The following MAML2 variants were observed in gnomAD, a reference collection of about 807,000 sequenced individuals.
MAML2 encodes the protein mastermind-like protein 2.
Under a neutral mutation model 96.1 loss-of-function variants are expected in MAML2, and 22 were observed. The observed-to-expected ratio is 0.23, with a 90% CI of 0.16 to 0.33. The LOEUF is 0.33. Among genes scored for constraint, MAML2 ranks in the 10% least tolerant of loss-of-function variants. The probability of loss-of-function intolerance (pLI) is 1.00; values close to 1 mark genes in which losing one functional copy is unlikely to be tolerated. For synonymous variants in MAML2, 561 were observed against 521.3 expected, an observed-to-expected ratio of 1.08 and a Z score of -1.04; for missense variants, 1,367 against 1,392.4, an observed-to-expected ratio of 0.98 and a Z score of 0.29.
At chr11:96,337,348 C>T (rs1863934039) in intron 1 of MAML2, among the ~76,000 whole-genome samples, 1 of 152,180 alleles carries the variant, frequency 6.6e-6, no homozygotes, top group Non-Finnish European at 1.5e-5. Context: ...TGATTATTAT[C>T]AGTTAAAAAT....
At chr11:96,202,283 G>A (rs1393695825) in intron 1 of MAML2, among the ~76,000 whole-genome samples, 8 of 148,246 alleles carry the variant, frequency 5.4e-5, no homozygotes, top group Admixed American at 5.4e-4. Flanking sequence ...CCCGGGAGGT[G>A]GAGATTGCAG....
chr11:96,255,064 C>A (rs1049012890), intron 1 of MAML2, among the ~76,000 whole-genome samples: 11 of 152,160 alleles, frequency 7.2e-5, no homozygotes, highest in African/African-American at 2.6e-4. Flanking sequence ...CTCAAGCGAT[C>A]CGCCCACCGC....
chr11:96,268,280 GC>G (rs367981172), intron 1 of MAML2, among the ~76,000 whole-genome samples: 1 of 152,232 alleles, frequency 6.6e-6, no homozygotes, highest in Non-Finnish European at 1.5e-5. Flanking sequence ...TTCGAGAGCA[GC>G]CTGGGCAACA....
intron 2 of MAML2, among the ~76,000 whole-genome samples, chr11:96,038,503 G>A (rs974355486): frequency 5.3e-5 from 8 of 152,186 alleles, no homozygotes; most frequent in African/African-American, 1.7e-4. Context: ...CTATTCAATC[G>A]CTTAGAACTT....
chr11:96,061,282 T>C (rs537054198), intron 2 of MAML2, among the ~76,000 whole-genome samples: 1 of 152,338 alleles, frequency 6.6e-6, no homozygotes, highest in Non-Finnish European at 1.5e-5. Flanking sequence ...TGGATTATTC[T>C]TCCCCTCTGG....
At chr11:96,045,817 G>C (rs999272441) in intron 2 of MAML2, among the ~76,000 whole-genome samples, 5 of 151,666 alleles carry the variant, frequency 3.3e-5, no homozygotes, top group African/African-American at 1.2e-4. Context: ...ACATTTGATT[G>C]CCAAAGTGAT....
chr11:96,044,358 G>C (rs929675522), intron 2 of MAML2, among the ~76,000 whole-genome samples: 7 of 152,174 alleles, frequency 4.6e-5, no homozygotes, highest in Non-Finnish European at 1.0e-4. Context: ...TAGGGTGGTG[G>C]TAAAGGTTCT....
At chr11:96,315,409 C>T (rs952137130) in intron 1 of MAML2, among the ~76,000 whole-genome samples, 1 of 152,190 alleles carries the variant, frequency 6.6e-6, no homozygotes, top group Non-Finnish European at 1.5e-5. Flanking sequence ...ATTCAAGCTA[C>T]TACCTCTTGG....
intron 1 of MAML2, among the ~76,000 whole-genome samples, chr11:96,217,069 T>C (rs892511124): frequency 2.0e-5 from 3 of 152,182 alleles, no homozygotes; most frequent in Admixed American, 6.5e-5. Context: ...CAGACCAATA[T>C]GTTCGAATTC....
intron 1 of MAML2, among the ~76,000 whole-genome samples, chr11:96,112,389 C>T (rs1267403136): frequency 6.6e-6 from 1 of 152,270 alleles, no homozygotes; most frequent in Non-Finnish European, 1.5e-5. Flanking sequence ...AGCATGGCCT[C>T]GGGCCTGCCT....
rs115381283 is a variant in MAML2, at chr11:96,129,490, C to T, written c.514-35973G>A. Among the ~76,000 whole-genome samples the T allele has an allele frequency of 6.3e-3, 960 of 152,082 alleles. 13 individuals carry two copies. Among genetic ancestry groups the T allele is most frequent in the African/African-American group, 0.021 (871 of 41,520 alleles). On this transcript the variant is annotated intron_variant, in intron 1 of 4. Coordinates refer to ENST00000524717, the MANE Select transcript of MAML2 (RefSeq NM_032427.4). The stretch of plus-strand genomic sequence containing the variant: ...ATTACTTTATACCCTTGGCTGCATG[C>T]TAGAATCATCTGGGAGCACTTTTGA...
intron 1 of MAML2, among the ~76,000 whole-genome samples, chr11:96,215,711 C>T (rs1680155356): frequency 6.6e-6 from 1 of 151,980 alleles, no homozygotes; most frequent in Non-Finnish European, 1.5e-5. Flanking sequence ...TCCACACCTG[C>T]AGCTGGGCAG....
intron 1 of MAML2, among the ~76,000 whole-genome samples, chr11:96,234,810 A>G (rs1192871389): frequency 1.3e-5 from 2 of 152,192 alleles, no homozygotes; most frequent in Non-Finnish European, 2.9e-5. Context: ...GTTAAGCCAC[A>G]ACTCTGGAAT....
chr11:96,324,090 C>A (rs1379478306), intron 1 of MAML2, among the ~76,000 whole-genome samples: 1 of 152,206 alleles, frequency 6.6e-6, no homozygotes, highest in African/African-American at 2.4e-5. Context: ...AAATTCAGGC[C>A]TGGACCATGT....
At chr11:96,248,330 TCCAACTCCTGA>T (rs1862538091) in intron 1 of MAML2, among the ~76,000 whole-genome samples, 1 of 152,012 alleles carries the variant, frequency 6.6e-6, no homozygotes, top group African/African-American at 2.4e-5. Context: ...CAGACTAGTC[TCCAACTCCTGA>T]CCTCAAGTGA....
intron 1 of MAML2, among the ~76,000 whole-genome samples, chr11:96,326,666 G>A (rs768887906): frequency 1.3e-5 from 2 of 151,970 alleles, no homozygotes; most frequent in Non-Finnish European, 2.9e-5. Context: ...GGTATGGTGT[G>A]ATGGGCCCCT....
rs573508538 is a variant in MAML2 at position 96,029,431 on chromosome 11, C to T, written c.2140-37708G>A. On this transcript the variant is annotated intron_variant, in intron 2 of 4. Coordinates refer to ENST00000524717, the MANE Select transcript of MAML2 (RefSeq NM_032427.4). ...AATATCCAGGTTTCTAGTTGTTTGC[C>T]GTCTCAAAGAGATTCTTTACCAATG... 6.6e-5 allele frequency among the ~76,000 whole-genome samples: 10 copies of T among 152,070 alleles called. No homozygotes were observed. The South Asian group carries it at 1.7e-3, about 25-fold the overall frequency.
chr11:95,990,431 C>T (rs1236224436), intron 3 of MAML2, among the ~76,000 whole-genome samples: 1 of 152,138 alleles, frequency 6.6e-6, no homozygotes, highest in Non-Finnish European at 1.5e-5. Flanking sequence ...TTTGAATATG[C>T]TGGTTGTTCT....
intron 1 of MAML2, among the ~76,000 whole-genome samples, chr11:96,165,089 A>T (rs376063040): frequency 7.9e-5 from 12 of 152,326 alleles, no homozygotes; most frequent in Admixed American, 2.6e-4. Flanking sequence ...AATATATCTC[A>T]CCACTGTTTC....
Sources: allele counts gnomAD v4.1 joint callset (sites outside exome capture counted in the v4.1 genomes callset), GRCh38; gene constraint gnomAD v4.1.1; transcripts MANE v1.5; gene names NCBI Gene and HGNC (gene_info 2026-07-23, HGNC 2026-07-21).